SCHIP1: variants seen among roughly 807,000 people sequenced by gnomAD.
The protein encoded by SCHIP1 is schwannomin interacting protein 1, also known as schwannomin-interacting protein 1.
Under a neutral mutation model 29.7 loss-of-function variants are expected in SCHIP1, and 8 were observed. The ratio of observed to expected loss-of-function variants is 0.27; its 90% CI spans 0.16 to 0.49. The LOEUF (loss-of-function observed/expected upper bound fraction) is 0.49, where lower values mean the gene tolerates loss of function less well. SCHIP1 is among the 20% of genes least tolerant of loss of function. The probability of loss-of-function intolerance (pLI) is 0.99; values close to 1 mark genes in which losing one functional copy is unlikely to be tolerated. For missense variants in SCHIP1, 193 were observed against 294.6 expected, an observed-to-expected ratio of 0.66 and a Z score of 2.52; for synonymous variants, 76 against 94.9, an observed-to-expected ratio of 0.80 and a Z score of 1.16.
chr3:159,477,259 T>C, the SCHIP1 span, among the ~76,000 whole-genome samples: 1 of 152,144 alleles, frequency 6.6e-6, no homozygotes, highest in African/African-American at 2.4e-5. Flanking sequence ...TCAGAGTGCA[T>C]GTATCCCTTT....
the SCHIP1 span, among the ~76,000 whole-genome samples, chr3:159,435,621 T>C: frequency 2.0e-5 from 3 of 152,186 alleles, no homozygotes; most frequent in Admixed American, 6.6e-5. Flanking sequence ...CAAGGTTCAT[T>C]CATAACAGAA....
the SCHIP1 span, among the ~76,000 whole-genome samples, chr3:159,829,887 C>A: frequency 1.3e-5 from 2 of 152,156 alleles, no homozygotes; most frequent in Non-Finnish European, 2.9e-5. Flanking sequence ...TGAGAAGGTA[C>A]TGTTATAGAT....
At chr3:159,645,160 TAAG>T in the SCHIP1 span, among the ~76,000 whole-genome samples, 1 of 152,114 alleles carries the variant, frequency 6.6e-6, no homozygotes, top group East Asian at 1.9e-4. Flanking sequence ...TAGAAATTCT[TAAG>T]AAGGCAACAC....
At chr3:159,716,590 G>GGTTGCAATCCT in the SCHIP1 span, among the ~76,000 whole-genome samples, 4 of 149,064 alleles carry the variant, frequency 2.7e-5, no homozygotes, top group Admixed American at 6.7e-5. Flanking sequence ...AGAAAGCAAG[G>GGTTGCAATCCT]AGTCTCTGAT....
At chr3:159,870,058 GTATTA>G (rs912240851) in intron 2 of SCHIP1, among the ~76,000 whole-genome samples, 1 of 151,814 alleles carries the variant, frequency 6.6e-6, no homozygotes, top group African/African-American at 2.4e-5. Context: ...TTGTATACTA[GTATTA>G]TATTCAGCCA....
chr3:159,811,959 G>GTGT, the SCHIP1 span, among the ~76,000 whole-genome samples: 15 of 122,726 alleles, frequency 1.2e-4, no homozygotes, highest in Middle Eastern at 4.6e-3. Flanking sequence ...ATGTTTTGTA[G>GTGT]TTTTTTTTGT....
the SCHIP1 span, among the ~76,000 whole-genome samples, chr3:159,420,465 T>A: frequency 6.6e-6 from 1 of 152,190 alleles, no homozygotes. Flanking sequence ...AACCAAGAGT[T>A]AGGAACAGGC....
the SCHIP1 span, among the ~76,000 whole-genome samples, chr3:159,667,028 A>G: frequency 6.6e-6 from 1 of 152,234 alleles, no homozygotes; most frequent in Admixed American, 6.5e-5. Flanking sequence ...GTGAGAGTGC[A>G]TGAAATAATG....
At chr3:159,467,080 GT>G in the SCHIP1 span, among the ~76,000 whole-genome samples, 1 of 151,976 alleles carries the variant, frequency 6.6e-6, no homozygotes, top group Non-Finnish European at 1.5e-5. Flanking sequence ...CTTAAAAGCC[GT>G]TCTGTACCTC....
the SCHIP1 span, among the ~76,000 whole-genome samples, chr3:159,465,143 A>G: frequency 2.0e-5 from 3 of 152,146 alleles, no homozygotes; most frequent in Non-Finnish European, 2.9e-5. Context: ...ATTTTTGCTC[A>G]CTGTCAGGGA....
chr3:159,433,487 G>A, the SCHIP1 span, among the ~76,000 whole-genome samples: 2 of 152,150 alleles, frequency 1.3e-5, no homozygotes, highest in Non-Finnish European at 2.9e-5. Flanking sequence ...TCAGGGCAAT[G>A]ATGAAGACAT....
chr3:159,750,468 C>T, the SCHIP1 span, among the ~76,000 whole-genome samples: 40 of 151,642 alleles, frequency 2.6e-4, no homozygotes, highest in African/African-American at 9.0e-4. Flanking sequence ...ACAAGCAGAT[C>T]CTGAGATGGG....
the SCHIP1 span, among the ~76,000 whole-genome samples, chr3:159,804,840 T>G: frequency 6.6e-6 from 1 of 152,228 alleles, no homozygotes; most frequent in African/African-American, 2.4e-5. Flanking sequence ...TCTGCTCTGT[T>G]TTTTGCCGTC....
chr3:159,275,415 T>C, the SCHIP1 span, among the ~76,000 whole-genome samples: 1 of 152,140 alleles, frequency 6.6e-6, no homozygotes, highest in Admixed American at 6.6e-5. Flanking sequence ...TTTATTAAAT[T>C]GTACATTCTA....
chr3:159,355,168 C>A, the SCHIP1 span, among the ~76,000 whole-genome samples: 1 of 152,030 alleles, frequency 6.6e-6, no homozygotes, highest in South Asian at 2.1e-4. Flanking sequence ...GATAGGACAG[C>A]TAGATGCTTT....
the SCHIP1 span, among the ~76,000 whole-genome samples, chr3:159,363,030 C>T: frequency 6.6e-6 from 1 of 152,310 alleles, no homozygotes; most frequent in Non-Finnish European, 1.5e-5. Context: ...TTCCCTCTCT[C>T]CCTTCTCAGT....
the SCHIP1 span, among the ~76,000 whole-genome samples, chr3:159,505,416 G>A: frequency 0.011 from 1,645 of 152,216 alleles, 11 homozygotes; most frequent in Non-Finnish European, 0.018. Flanking sequence ...GAACAAGGTT[G>A]GGGGACATGT....
chr3:159,480,237 A>G, the SCHIP1 span, among the ~76,000 whole-genome samples: 4 of 152,136 alleles, frequency 2.6e-5, no homozygotes, highest in Non-Finnish European at 5.9e-5. Flanking sequence ...AAGGTGGAAG[A>G]TACTTCCTGT....
At chr3:159,545,849 C>T in the SCHIP1 span, among the ~76,000 whole-genome samples, 1 of 151,170 alleles carries the variant, frequency 6.6e-6, no homozygotes, top group Admixed American at 6.6e-5. Flanking sequence ...GTCTATACAT[C>T]AGTTTAAAAA....
Sources: gnomAD v4.1 joint callset for allele counts (sites outside exome capture counted in the v4.1 genomes callset) on GRCh38, gnomAD v4.1.1 for gene constraint, MANE v1.5 for transcripts, NCBI Gene and HGNC (gene_info 2026-07-23, HGNC 2026-07-21) for gene names.